The following PCM1 variants were observed in gnomAD, a reference collection of about 807,000 sequenced individuals.
PCM1 encodes the protein pericentriolar material 1 protein.
In PCM1, 157 loss-of-function variants were observed where a neutral mutation model predicts 241.9. That is an observed-to-expected ratio of 0.65 (90% CI 0.57 to 0.74). PCM1 has a LOEUF of 0.74. PCM1 is among the 30% of genes least tolerant of loss of function. The pLI, the probability that PCM1 is intolerant of heterozygous loss-of-function variation, is 0.00. For synonymous variants in PCM1, 1,085 were observed against 784.9 expected, an observed-to-expected ratio of 1.38 and a Z score of -6.39; for missense variants, 3,478 against 2,360.1, an observed-to-expected ratio of 1.47 and a Z score of -9.81.
intron 4 of PCM1, 74 bp downstream of exon 4, chr8:17,937,453 G>A: frequency 7.5e-7 from 1 of 1,334,594 alleles, no homozygotes; most frequent in Non-Finnish European, 1.0e-6. Context: ...ATTTGTCTTA[G>A]GAATAAAAAA....
intron 18 of PCM1, 94 bp from the exon 19 acceptor site, chr8:17,965,905 A>G: frequency 1.3e-6 from 1 of 754,210 alleles, no homozygotes; most frequent in Non-Finnish European, 2.1e-6. Context: ...AAAACAGAAT[A>G]TTGGCCCATA....
At chr8:17,941,899 C>G (rs1259548358) in intron 6 of PCM1, among the ~76,000 whole-genome samples, 2 of 152,098 alleles carry the variant, frequency 1.3e-5, no homozygotes, top group African/African-American at 2.4e-5. Context: ...CATATTTCCT[C>G]TTCTTTATTT....
Position 18,029,641 on chromosome 8 carries a change from A to G in PCM1, c.*1979A>G, listed in dbSNP as rs79948540. The stretch of plus-strand genomic sequence containing the variant: ...GTCTATTGTTTTTCTATTTTAGTAG[A>G]TAATTTAGTTTTAAAATACGTAGGG... On this transcript the variant is annotated 3_prime_UTR_variant, in exon 39 of 39. Coordinates refer to ENST00000325083, the MANE Select transcript of PCM1 (RefSeq NM_006197.4). 2,615 of 201,594 alleles carry G rather than the reference A, an allele frequency of 0.013. 72 individuals carry two copies. Among genetic ancestry groups the G allele is most frequent in the African/African-American group, 0.057 (2,469 of 43,672 alleles). 12.5% of individuals were successfully genotyped at this position (201,594 alleles called of 1,614,324 possible). A position where few individuals can be genotyped will look rare whatever the true frequency, so the allele number is the denominator to read the frequency against.
intron 23 of PCM1, among the ~76,000 whole-genome samples, chr8:17,980,031 A>G (rs2080153130): frequency 6.6e-6 from 1 of 152,050 alleles, no homozygotes; most frequent in African/African-American, 2.4e-5. Flanking sequence ...GAAAGAGGGT[A>G]GGTATAGCCA....
intron 6 of PCM1, among the ~76,000 whole-genome samples, chr8:17,943,830 A>G (rs1430088443): frequency 6.6e-6 from 1 of 152,086 alleles, no homozygotes; most frequent in African/African-American, 2.4e-5. Flanking sequence ...ATCTTTTCAA[A>G]ATGTAGTATT....
chr8:17,980,326 T>G (rs2080270633), intron 23 of PCM1: 2 of 269,610 alleles, frequency 7.4e-6, no homozygotes, highest in South Asian at 1.7e-4. Context: ...TCATGTAAGG[T>G]CTGCCATATA....
At chr8:17,954,066 C>G (rs538006285) in intron 9 of PCM1, among the ~76,000 whole-genome samples, 1 of 152,328 alleles carries the variant, frequency 6.6e-6, no homozygotes, top group African/African-American at 2.4e-5. Flanking sequence ...TTTTCTCTGA[C>G]TTCTGCTAGT....
intron 30 of PCM1, among the ~76,000 whole-genome samples, chr8:18,007,592 T>C (rs2091684690): frequency 6.6e-6 from 1 of 152,242 alleles, no homozygotes; most frequent in Non-Finnish European, 1.5e-5. Context: ...AAGACTTTTT[T>C]CTCAGTCTAA....
chr8:17,986,521 A>T (rs1439301777), intron 26 of PCM1, among the ~76,000 whole-genome samples: 1 of 151,678 alleles, frequency 6.6e-6, no homozygotes, highest in Non-Finnish European at 1.5e-5. Context: ...TCCAGGAAAA[A>T]AATTGTAATT....
At chr8:17,935,773 C>T in intron 3 of PCM1, 67 bp downstream of exon 3, 1 of 758,996 alleles carries the variant, frequency 1.3e-6, no homozygotes, top group Non-Finnish European at 2.4e-6. Context: ...TTCCCCCTGA[C>T]CAAATTTAAC....
At position 18,013,079 on chromosome 8, in the gene PCM1, A is replaced by G. The variant is rs551222776; in HGVS notation, c.5512-885A>G. Among the ~76,000 whole-genome samples, 5 of 152,306 alleles carry G rather than the reference A, an allele frequency of 3.3e-5. No homozygotes were observed. In the East Asian group the frequency reaches 9.7e-4, roughly 29 times the overall value. On this transcript the variant is annotated intron_variant, in intron 34 of 38. Transcript: ENST00000325083. Reference sequence around the variant, plus strand: ...GGGAGACAGCCAGCATATTCCTACAAACTTCTAAATGTTAGTATCTATTGG... The same window carrying G: ...GGGAGACAGCCAGCATATTCCTACAGACTTCTAAATGTTAGTATCTATTGG...
chr8:17,959,885 A>G (rs1331303700), intron 13 of PCM1, 129 bp from the exon 14 acceptor site: 3 of 792,282 alleles, frequency 3.8e-6, no homozygotes, highest in Non-Finnish European at 6.0e-6. Context: ...ACACATGTAT[A>G]CAAACGTGCT....
intron 6 of PCM1, among the ~76,000 whole-genome samples, chr8:17,946,163 T>TA (rs1228912592): frequency 2.0e-5 from 3 of 152,202 alleles, no homozygotes; most frequent in Non-Finnish European, 2.9e-5. Context: ...AAGTGCCACT[T>TA]ATTTAATCCA....
chr8:17,956,820 G>A (rs750725466), intron 11 of PCM1, 43 bp downstream of exon 11: 3 of 1,422,180 alleles, frequency 2.1e-6, no homozygotes, highest in African/African-American at 1.4e-5. Context: ...TATTCATTCT[G>A]TCTTGATACT....
chr8:17,939,850 A>T lies in PCM1; in HGVS notation c.772A>T (p.Lys258Ter), dbSNP rs1326435859. ...EQEKSYMKFL[K>*]KILARDPQQE... is the part of the protein sequence containing the mutation. The stretch of plus-strand genomic sequence containing the variant: ...AGAGAAGTCATATATGAAATTTCTT[A>T]AAAAAATCCTTGTAAGTATTCGACT... The change falls in exon 6 of 39, where the codon AAA (lysine) becomes TAA (stop). Residue 258 changes from lysine (K) to a stop codon, truncating the protein, a stop_gained. Coordinates refer to ENST00000325083, the MANE Select transcript of PCM1 (RefSeq NM_006197.4). LOFTEE classifies it high-confidence loss of function. The T allele has an allele frequency of 1.3e-6, 2 of 1,485,684 alleles. No individual in the cohort carries two copies. Among genetic ancestry groups the T allele is most frequent in the East Asian group, 2.4e-5 (1 of 40,906 alleles). The allele number at this position is 1,485,684 out of a possible 1,614,324, so 92.0% of individuals were successfully genotyped here.
intron 2 of PCM1, among the ~76,000 whole-genome samples, chr8:17,929,391 C>G (rs1240379475): frequency 1.3e-5 from 2 of 152,168 alleles, no homozygotes; most frequent in Non-Finnish European, 2.9e-5. Flanking sequence ...TTTATCGTCT[C>G]CCTGAGTCCT....
At chr8:17,968,185 A>T (rs755844799) in intron 21 of PCM1, among the ~76,000 whole-genome samples, 5 of 152,194 alleles carry the variant, frequency 3.3e-5, no homozygotes, top group South Asian at 4.1e-4. Flanking sequence ...TACATCACTC[A>T]GGGAATTTAG....
At chr8:17,924,839 G>A (rs2056269007) in intron 2 of PCM1, 59 bp downstream of exon 2, 1 of 152,158 alleles carries the variant, frequency 6.6e-6, no homozygotes, top group Non-Finnish European at 1.5e-5. Context: ...AGACTTTATG[G>A]TGGACACTGC....
intron 7 of PCM1, among the ~76,000 whole-genome samples, chr8:17,948,551 C>T (rs1156655404): frequency 1.3e-5 from 2 of 151,988 alleles, no homozygotes; most frequent in African/African-American, 2.4e-5. Flanking sequence ...GATCTGCCCG[C>T]CTTGGCCTCC....
Sources: gnomAD v4.1 joint callset for allele counts (sites outside exome capture counted in the v4.1 genomes callset) on GRCh38, gnomAD v4.1.1 for gene constraint, MANE v1.5 for transcripts, NCBI Gene and HGNC (gene_info 2026-07-23, HGNC 2026-07-21) for gene names.